Variants in FCHSD2 observed in about 807,000 individuals in gnomAD.
FCHSD2 encodes F-BAR and double SH3 domains protein 2.
A neutral mutation model predicts 108.1 loss-of-function variants in FCHSD2; 38 were observed. The ratio of observed to expected loss-of-function variants is 0.35; its 90% confidence interval spans 0.27 to 0.46. The LOEUF (loss-of-function observed/expected upper bound fraction) is 0.46, where lower values mean the gene tolerates loss of function less well. Ranked by LOEUF, FCHSD2 falls within the 20% of genes least tolerant of loss-of-function variation. FCHSD2 has a pLI of 1.00. For missense variants in FCHSD2, 751 were observed against 897.8 expected, an observed-to-expected ratio of 0.84 and a Z score of 2.09; for synonymous variants, 279 against 314.7, an observed-to-expected ratio of 0.89 and a Z score of 1.20.
At chr11:73,039,605 T>C (rs918548499) in intron 3 of FCHSD2, among the ~76,000 whole-genome samples, 3 of 152,156 alleles carry the variant, frequency 2.0e-5, no homozygotes, top group Admixed American at 1.3e-4. Context: ...TAAGTATGTA[T>C]TCATTATAGG....
At chr11:73,117,542 G>A (rs537627435) in intron 2 of FCHSD2, among the ~76,000 whole-genome samples, 2 of 152,068 alleles carry the variant, frequency 1.3e-5, no homozygotes, top group Non-Finnish European at 1.5e-5. Flanking sequence ...TGTTTATATA[G>A]GGCATTCATT....
At position 72,919,435 on chromosome 11, in the gene FCHSD2, C is replaced by A. The variant is rs1422079305; in HGVS notation, c.828+2393G>T. ...AGTTCATAAATTCTTAATTCATTTT[C>A]TATTAAAATAATACAAGCTAAAGAG... On this transcript the variant is annotated intron_variant, in intron 9 of 19. Transcript: ENST00000409418. 4.6e-5 allele frequency among the ~76,000 whole-genome samples: 7 copies of A among 152,070 alleles called. No individual in the cohort carries two copies. The East Asian group carries it at 1.2e-3, about 25-fold the overall frequency.
chr11:73,089,901 AT>A (rs971217792), intron 2 of FCHSD2, among the ~76,000 whole-genome samples: 17 of 152,298 alleles, frequency 1.1e-4, no homozygotes, highest in Admixed American at 7.2e-4. Context: ...AAAGAGTAAT[AT>A]TTTTTTAAAA....
Position 72,966,897 on chromosome 11 carries a change from T to C in FCHSD2, c.705+17191A>G, listed in dbSNP as rs76654236. 9.4e-3 allele frequency among the ~76,000 whole-genome samples: 1,431 copies of C among 152,148 alleles called. 23 individuals carry two copies. Among genetic ancestry groups the C allele is most frequent in the African/African-American group, 0.031 (1,308 of 41,534 alleles). ...TAGATTTGGACTGGGATGTGAACCC[T>C]GATTATGAGTTAAGAAAGTGGCCGG... On this transcript the variant is annotated intron_variant, in intron 8 of 19. Transcript: ENST00000409418.
intron 4 of FCHSD2, among the ~76,000 whole-genome samples, chr11:73,010,721 A>C (rs928148272): frequency 1.3e-5 from 2 of 152,144 alleles, no homozygotes; most frequent in African/African-American, 4.8e-5. Context: ...CCTGTGGTAA[A>C]GTTTTGCTGA....
At position 72,984,116 on chromosome 11, in the gene FCHSD2, T is replaced by C. The variant is rs201284616; in HGVS notation, c.677A>G (p.Tyr226Cys). ...AAANAHQDRY[Y>C]QTDLVNIMKA... ...CATAATGTTAACTAAATCTGTTTGATAGTAGCGATCCTGATGTGCATTTGC... is the reference window on the plus strand; with the variant it reads ...CATAATGTTAACTAAATCTGTTTGACAGTAGCGATCCTGATGTGCATTTGC... Residue 226 changes from tyrosine (Y) to cysteine (C), a missense_variant, in exon 8 of 20, where the codon TAT becomes TGT. By Grantham distance (194) the Tyr-to-Cys change is radical. Transcript: ENST00000409418. 2 of 1,613,358 alleles carry C rather than the reference T, an allele frequency of 1.2e-6. No individual in the cohort carries two copies. Among genetic ancestry groups the C allele is most frequent in the Non-Finnish European group, 1.7e-6 (2 of 1,179,354 alleles).
chr11:73,011,363 T>C (rs1857859981), intron 4 of FCHSD2, among the ~76,000 whole-genome samples: 2 of 152,122 alleles, frequency 1.3e-5, no homozygotes, highest in Admixed American at 1.3e-4. Flanking sequence ...GGCTAGCAGG[T>C]GGGGAACATG....
At chr11:72,933,493 TCCTCTGTTTTG>T (rs1856235929) in intron 8 of FCHSD2, among the ~76,000 whole-genome samples, 1 of 152,174 alleles carries the variant, frequency 6.6e-6, no homozygotes, top group African/African-American at 2.4e-5. Context: ...GCCAACAAAT[TCCTCTGTTTTG>T]CCTAAGCTAC....
At chr11:72,989,170 C>T in intron 5 of FCHSD2, 73 bp from the exon 6 acceptor site, 1 of 1,172,918 alleles carries the variant, frequency 8.5e-7, no homozygotes, top group East Asian at 2.5e-5. Flanking sequence ...ATCCTAAGGA[C>T]TATACACTAT....
Position 73,015,862 on chromosome 11 carries a change from T to C in FCHSD2, c.189A>G (p.Gln63=), listed in dbSNP as rs777559984. 3 of 1,603,154 alleles carry C rather than the reference T, an allele frequency of 1.9e-6. No individual in the cohort carries two copies. Among genetic ancestry groups the C allele is most frequent in the East Asian group, 2.3e-5 (1 of 44,336 alleles). The change falls in exon 4 of 20, where the codon CAA becomes CAG. Residue 63 remains glutamine (Q), a synonymous_variant. Transcript: ENST00000409418. The part of the protein sequence containing the change: ...YAQGMQKLAS[Q]YLKRDWPGVK... ...CTCCAGGCCAATCTCTCTTCAGGTA[T>C]TGACTAGCCAACTTCTGCATACCCT...
chr11:73,136,405 C>CA (rs1861121346), intron 2 of FCHSD2, among the ~76,000 whole-genome samples: 1 of 151,866 alleles, frequency 6.6e-6, no homozygotes, highest in Non-Finnish European at 1.5e-5. Flanking sequence ...ACAAAAAACA[C>CA]AAAAATTAGC....
At chr11:73,005,602 A>C (rs966729725) in intron 4 of FCHSD2, among the ~76,000 whole-genome samples, 1 of 151,636 alleles carries the variant, frequency 6.6e-6, no homozygotes, top group African/African-American at 2.4e-5. Flanking sequence ...CTCTAACTAC[A>C]TTCACTCTGT....
At chr11:72,941,516 T>C (rs1218361532) in intron 8 of FCHSD2, among the ~76,000 whole-genome samples, 1 of 145,666 alleles carries the variant, frequency 6.9e-6, no homozygotes. Context: ...TATCATTAAC[T>C]GTTTTGTTCT....
chr11:72,986,335 G>A (rs988735622), intron 6 of FCHSD2, among the ~76,000 whole-genome samples: 3 of 151,922 alleles, frequency 2.0e-5, no homozygotes, highest in Non-Finnish European at 2.9e-5. Flanking sequence ...TCAGCCTCCC[G>A]AGTAGCTGGG....
chr11:72,927,188 T>C (rs1014519320), intron 8 of FCHSD2, among the ~76,000 whole-genome samples: 2 of 152,250 alleles, frequency 1.3e-5, no homozygotes, highest in African/African-American at 4.8e-5. Context: ...GCCTTCCATT[T>C]TCTAAGGTCT....
At chr11:72,996,890 A>T (rs2135413118) in intron 5 of FCHSD2, among the ~76,000 whole-genome samples, 1 of 152,352 alleles carries the variant, frequency 6.6e-6, no homozygotes, top group Non-Finnish European at 1.5e-5. Flanking sequence ...TCTTAAATTC[A>T]ACTTAATGTT....
intron 3 of FCHSD2, among the ~76,000 whole-genome samples, chr11:73,029,870 A>G (rs1858317982): frequency 1.3e-5 from 2 of 152,238 alleles, no homozygotes; most frequent in African/African-American, 4.8e-5. Context: ...CCTTAAGTTT[A>G]CATCTCAGGC....
At chr11:73,015,559 T>C (rs1453999723) in intron 4 of FCHSD2, among the ~76,000 whole-genome samples, 1 of 152,144 alleles carries the variant, frequency 6.6e-6, no homozygotes, top group Non-Finnish European at 1.5e-5. Context: ...GGGGGTATAA[T>C]TAATTATATA....
chr11:73,138,910 G>A (rs1861184336), intron 2 of FCHSD2, among the ~76,000 whole-genome samples: 3 of 152,060 alleles, frequency 2.0e-5, no homozygotes, highest in South Asian at 2.1e-4. Flanking sequence ...GCACGGCCTC[G>A]CATAGGAATT....
Sources: gnomAD v4.1 joint callset for allele counts (sites outside exome capture counted in the v4.1 genomes callset) on GRCh38, gnomAD v4.1.1 for gene constraint, MANE v1.5 for transcripts, NCBI Gene and HGNC (gene_info 2026-07-23, HGNC 2026-07-21) for gene names.